The following BCL2L2 variants were observed in gnomAD, a reference collection of about 807,000 sequenced individuals.
BCL2L2 encodes bcl-2-like protein 2.
Under a neutral mutation model 14.6 loss-of-function variants are expected in BCL2L2, and 6 were observed. The observed-to-expected ratio is 0.41, with a 90% CI of 0.22 to 0.81. The LOEUF (loss-of-function observed/expected upper bound fraction) is 0.81, where lower values mean the gene tolerates loss of function less well. BCL2L2 is among the 30% of genes least tolerant of loss of function. The probability of loss-of-function intolerance (pLI) is 0.32; values close to 1 mark genes in which losing one functional copy is unlikely to be tolerated. For synonymous variants in BCL2L2, 90 were observed against 108.5 expected, an observed-to-expected ratio of 0.83 and a Z score of 1.06; for missense variants, 191 against 260.5, an observed-to-expected ratio of 0.73 and a Z score of 1.84.
In BCL2L2 at chr14:23,310,586, G is replaced by A; in HGVS notation, c.*1621G>A. 9.3e-7 allele frequency: 1 copy of A among 1,072,634 alleles called. No homozygotes were observed. Among genetic ancestry groups the A allele is most frequent in the Non-Finnish European group, 1.1e-6 (1 of 882,524 alleles). The allele number at this position is 1,072,634 out of a possible 1,614,324, so 66.4% of individuals were successfully genotyped here. A position where few individuals can be genotyped will look rare whatever the true frequency, so the allele number is the denominator to read the frequency against. ...GCTGCACTTTTTCATGGTATTTCTA[G>A]GGGAGGTGGTAGGCTGCATGTGCCA... On this transcript the variant is annotated 3_prime_UTR_variant, in exon 4 of 4. Coordinates refer to ENST00000250405, the MANE Select transcript of BCL2L2 (RefSeq NM_004050.5).
Position 23,308,992 on chromosome 14 carries a change from G to A in BCL2L2, c.*27G>A, listed in dbSNP as rs780543579. 1 of 1,320,440 alleles carries A rather than the reference G, an allele frequency of 7.6e-7. No homozygotes were observed. The allele number at this position is 1,320,440 out of a possible 1,614,324, so 81.8% of individuals were successfully genotyped here. On this transcript the variant is annotated 3_prime_UTR_variant, in exon 4 of 4. Transcript: ENST00000250405. The surrounding 1 kb of genome is among the most constrained non-coding windows in gnomAD (Gnocchi z 5.4). ...AGTCCAGGGCCAGGTGGGGCTAGGT[G>A]TGGCTGGGGGCCAGGAGAGCAGGAA...
Position 23,307,688 on chromosome 14 carries a change from TC to T in BCL2L2, c.-8-71del, listed in dbSNP as rs1016483825. The T allele has an allele frequency of 1.1e-5, 17 of 1,501,988 alleles. No homozygotes were observed. In the Admixed American group the frequency reaches 3.9e-4, roughly 35 times the overall value. The allele number at this position is 1,501,988 out of a possible 1,614,324, so 93.0% of individuals were successfully genotyped here. On this transcript the variant is annotated intron_variant, in intron 2 of 3. Coordinates refer to ENST00000250405, the MANE Select transcript of BCL2L2 (RefSeq NM_004050.5). ...TCTCCTCCTCATCTCACTGGGTTGGTCAAACCAGAAGTGCTCCTTCTGATTC... is the reference window on the plus strand; with the variant it reads ...TCTCCTCCTCATCTCACTGGGTTGGTAAACCAGAAGTGCTCCTTCTGATTC...
In BCL2L2 at chr14:23,307,944, C is replaced by T; in HGVS notation, c.177C>T (p.Arg59=). ...AGDEFETRFR[R]TFSDLAAQLH... is the part of the protein sequence containing the mutation. ...ATGAGTTCGAGACCCGCTTCCGGCG[C>T]ACCTTCTCTGATCTGGCGGCTCAGC... The change falls in exon 3 of 4, where the codon CGC becomes CGT. Residue 59 remains arginine, a synonymous_variant. Coordinates refer to ENST00000250405, the MANE Select transcript of BCL2L2 (RefSeq NM_004050.5). 1 of 1,613,994 alleles carries T rather than the reference C, an allele frequency of 6.2e-7. No individual in the cohort carries two copies. The highest frequency in any genetic ancestry group is 8.5e-7 in the Non-Finnish European group (1 of 1,179,924).
Position 23,310,416 on chromosome 14 carries a change from C to T in BCL2L2, c.*1451C>T, listed in dbSNP as rs1429284255. The stretch of plus-strand genomic sequence containing the variant: ...CTAGAACCCTGCCTGTGGTCCTGAG[C>T]ACTGATCACCTTAGCTAGACCATGG... On this transcript the variant is annotated 3_prime_UTR_variant, in exon 4 of 4. Coordinates refer to ENST00000250405, the MANE Select transcript of BCL2L2 (RefSeq NM_004050.5). 7 of 1,000,612 alleles carry T rather than the reference C, an allele frequency of 7.0e-6. No homozygotes were observed. Among genetic ancestry groups the T allele is most frequent in the African/African-American group, 3.5e-5 (2 of 57,276 alleles). 62.0% of individuals were successfully genotyped at this position (1,000,612 alleles called of 1,614,324 possible).
In BCL2L2 at chr14:23,310,905, G is replaced by GA. The variant is rs1224451859; in HGVS notation, c.*1947dup. 4 of 1,288,802 alleles carry GA rather than the reference G, an allele frequency of 3.1e-6. No individual in the cohort carries two copies. Among genetic ancestry groups the GA allele is most frequent in the African/African-American group, 1.5e-5 (1 of 65,808 alleles). The allele number at this position is 1,288,802 out of a possible 1,614,324, so 79.8% of individuals were successfully genotyped here. On this transcript the variant is annotated 3_prime_UTR_variant, in exon 4 of 4. Coordinates refer to ENST00000250405, the MANE Select transcript of BCL2L2 (RefSeq NM_004050.5). ...TATTTGCATTAAGGGGTTTGCTGCT[G>GA]AAAAAAAGTTGGAAAACCACTGACT...
At position 23,311,688 on chromosome 14, in the gene BCL2L2, T is replaced by C. The variant is rs1887625782; in HGVS notation, c.*2723T>C. 2 of 932,304 alleles carry C rather than the reference T, an allele frequency of 2.1e-6. No homozygotes were observed. The highest frequency in any genetic ancestry group is 6.2e-5 in the Admixed American group (1 of 16,222). 57.8% of individuals were successfully genotyped at this position (932,304 alleles called of 1,614,324 possible). A position where few individuals can be genotyped will look rare whatever the true frequency, so the allele number is the denominator to read the frequency against. ...AAATACCAAGTTCATTTGACTTTTA[T>C]TTTTGTGTAATATGTAATGATCGTA... On this transcript the variant is annotated 3_prime_UTR_variant, in exon 4 of 4. Coordinates refer to ENST00000250405, the MANE Select transcript of BCL2L2 (RefSeq NM_004050.5).
Position 23,309,144 on chromosome 14 carries a change from A to C in BCL2L2, c.*179A>C, listed in dbSNP as rs1053521993. On this transcript the variant is annotated 3_prime_UTR_variant, in exon 4 of 4. Transcript: ENST00000250405. The stretch of plus-strand genomic sequence containing the variant: ...CAGGTAGGCGATTGGAAGAGTGAGC[A>C]GGACACAGAGGGGAGGGGAATGTTT... 2.2e-5 allele frequency: 26 copies of C among 1,169,124 alleles called. 1 individual carries two copies. The Admixed American group carries it at 1.2e-3, about 53-fold the overall frequency. 72.4% of individuals were successfully genotyped at this position (1,169,124 alleles called of 1,614,324 possible). A position where few individuals can be genotyped will look rare whatever the true frequency, so the allele number is the denominator to read the frequency against.
chr14:23,309,106 G>A lies in BCL2L2; in HGVS notation c.*141G>A, dbSNP rs1376791688. 1.0e-5 allele frequency: 13 copies of A among 1,249,654 alleles called. No homozygotes were observed. Among genetic ancestry groups the A allele is most frequent in the Middle Eastern group, 3.1e-4 (1 of 3,262 alleles). The allele number at this position is 1,249,654 out of a possible 1,614,324, so 77.4% of individuals were successfully genotyped here. On this transcript the variant is annotated 3_prime_UTR_variant, in exon 4 of 4. Transcript: ENST00000250405. Reference sequence around the variant, plus strand: ...GGCAGAGAAAGGGTAGTGTGTGAGGGAGCTGAGTAGGCCAGGTAGGCGATT... The same window carrying A: ...GGCAGAGAAAGGGTAGTGTGTGAGGAAGCTGAGTAGGCCAGGTAGGCGATT...
rs1887389950 is a variant in BCL2L2 at position 23,308,396 on chromosome 14, A to G, written c.432+197A>G. On this transcript the variant is annotated intron_variant, in intron 3 of 3. Transcript: ENST00000250405. This position sits in a 1 kb window ranked among gnomAD's most constrained non-coding sequence, Gnocchi z 5.4. ...AGGGCTGCCATGCAGTCAACACTGG[A>G]TGGGCTCATGGTCCCAAGCAGAGGA... 6.6e-6 allele frequency among the ~76,000 whole-genome samples: 1 copy of G among 152,026 alleles called. No individual in the cohort carries two copies. Among genetic ancestry groups the G allele is most frequent in the Non-Finnish European group, 1.5e-5 (1 of 68,012 alleles).
rs546037899 is a variant in BCL2L2, at chr14:23,309,006, G to T, written c.*41G>T. 4.5e-6 allele frequency: 6 copies of T among 1,320,422 alleles called. No individual in the cohort carries two copies. In the South Asian group the frequency reaches 1.2e-4, roughly 26 times the overall value. 81.8% of individuals were successfully genotyped at this position (1,320,422 alleles called of 1,614,324 possible). Reference sequence around the variant, plus strand: ...TGGGGCTAGGTGTGGCTGGGGGCCAGGAGAGCAGGAACAGAACAGAGAAAT... The same window carrying T: ...TGGGGCTAGGTGTGGCTGGGGGCCATGAGAGCAGGAACAGAACAGAGAAAT... On this transcript the variant is annotated 3_prime_UTR_variant, in exon 4 of 4. Transcript: ENST00000250405.
chr14:23,311,186 A>T lies in BCL2L2; in HGVS notation c.*2221A>T. On this transcript the variant is annotated 3_prime_UTR_variant, in exon 4 of 4. Transcript: ENST00000250405. ...TTCCCAGAAGCATAGCTTAGATGGGACCACAGTGGGCAATTTTGACCTGTC... is the reference window on the plus strand; with the variant it reads ...TTCCCAGAAGCATAGCTTAGATGGGTCCACAGTGGGCAATTTTGACCTGTC... 7.9e-7 allele frequency: 1 copy of T among 1,267,864 alleles called. No individual in the cohort carries two copies. The highest frequency in any genetic ancestry group is 1.0e-6 in the Non-Finnish European group (1 of 983,786). The allele number at this position is 1,267,864 out of a possible 1,614,324, so 78.5% of individuals were successfully genotyped here. A position where few individuals can be genotyped will look rare whatever the true frequency, so the allele number is the denominator to read the frequency against.
At position 23,311,631 on chromosome 14, in the gene BCL2L2, C is replaced by G; in HGVS notation, c.*2666C>G. ...AAAAGAAAGCTCTATAAATATAAAT[C>G]TATATTCCTGTATTTTTATTTAATA... On this transcript the variant is annotated 3_prime_UTR_variant, in exon 4 of 4. Coordinates refer to ENST00000250405, the MANE Select transcript of BCL2L2 (RefSeq NM_004050.5). 1.1e-6 allele frequency: 1 copy of G among 935,322 alleles called. No homozygotes were observed. Among genetic ancestry groups the G allele is most frequent in the African/African-American group, 1.8e-5 (1 of 56,182 alleles). The allele number at this position is 935,322 out of a possible 1,614,324, so 57.9% of individuals were successfully genotyped here. A position where few individuals can be genotyped will look rare whatever the true frequency, so the allele number is the denominator to read the frequency against.
chr14:23,311,080 C>T lies in BCL2L2; in HGVS notation c.*2115C>T, dbSNP rs1887586444. On this transcript the variant is annotated 3_prime_UTR_variant, in exon 4 of 4. Transcript: ENST00000250405. Reference sequence around the variant, plus strand: ...AGCTGCAGGGACCATGGCCAGGTTACCAAAATGCCCTGCTCTGAAGCCTTG... The same window carrying T: ...AGCTGCAGGGACCATGGCCAGGTTATCAAAATGCCCTGCTCTGAAGCCTTG... The T allele has an allele frequency of 1.6e-6, 2 of 1,289,284 alleles. No homozygotes were observed. The highest frequency in any genetic ancestry group is 2.0e-6 in the Non-Finnish European group (2 of 988,684). The allele number at this position is 1,289,284 out of a possible 1,614,324, so 79.9% of individuals were successfully genotyped here.
Position 23,311,275 on chromosome 14 carries a change from C to G in BCL2L2, c.*2310C>G. On this transcript the variant is annotated 3_prime_UTR_variant, in exon 4 of 4. Coordinates refer to ENST00000250405, the MANE Select transcript of BCL2L2 (RefSeq NM_004050.5). ...TCTGTCAGGGAAAACTAGGGACTCT[C>G]TTCTAGAGCCATATAGTTCCTTGGG... 8.4e-7 allele frequency: 1 copy of G among 1,186,742 alleles called. No individual in the cohort carries two copies. Among genetic ancestry groups the G allele is most frequent in the South Asian group, 1.6e-5 (1 of 62,852 alleles). The allele number at this position is 1,186,742 out of a possible 1,614,324, so 73.5% of individuals were successfully genotyped here. A position where few individuals can be genotyped will look rare whatever the true frequency, so the allele number is the denominator to read the frequency against.
intron 2 of BCL2L2, among the ~76,000 whole-genome samples, 164 bp downstream of exon 2, chr14:23,307,443 A>G (rs1305593850): frequency 2.0e-5 from 3 of 152,216 alleles, no homozygotes; most frequent in African/African-American, 7.2e-5. Context: ...GTGTGGACTA[A>G]GGAGACCCGG....
Position 23,310,923 on chromosome 14 carries a change from C to T in BCL2L2, c.*1958C>T, listed in dbSNP as rs187184653. On this transcript the variant is annotated 3_prime_UTR_variant, in exon 4 of 4. Transcript: ENST00000250405. ...TGCTGCTGAAAAAAAGTTGGAAAAC[C>T]ACTGACTAGACCATCGGCTCCAAAT... The T allele has an allele frequency of 6.9e-4, 896 of 1,289,428 alleles. 1 individual carries two copies. The highest frequency in any genetic ancestry group is 8.6e-4 in the Non-Finnish European group (848 of 988,624). 79.9% of individuals were successfully genotyped at this position (1,289,428 alleles called of 1,614,324 possible).
Position 23,311,335 on chromosome 14 carries a change from C to A in BCL2L2, c.*2370C>A. 3 of 1,072,936 alleles carry A rather than the reference C, an allele frequency of 2.8e-6. No homozygotes were observed. Among genetic ancestry groups the A allele is most frequent in the South Asian group, 2.5e-5 (1 of 39,636 alleles). The allele number at this position is 1,072,936 out of a possible 1,614,324, so 66.5% of individuals were successfully genotyped here. Reference sequence around the variant, plus strand: ...TGGCCAAGAAGGCTGAGTATGGTTCCCAATTTTTAAATCCATTTCATTTTT... The same window carrying A: ...TGGCCAAGAAGGCTGAGTATGGTTCACAATTTTTAAATCCATTTCATTTTT... On this transcript the variant is annotated 3_prime_UTR_variant, in exon 4 of 4. Coordinates refer to ENST00000250405, the MANE Select transcript of BCL2L2 (RefSeq NM_004050.5).
In BCL2L2 at chr14:23,310,661, T is replaced by C; in HGVS notation, c.*1696T>C. 8.8e-7 allele frequency: 1 copy of C among 1,139,004 alleles called. No homozygotes were observed. Among genetic ancestry groups the C allele is most frequent in the Non-Finnish European group, 1.1e-6 (1 of 919,504 alleles). The allele number at this position is 1,139,004 out of a possible 1,614,324, so 70.6% of individuals were successfully genotyped here. On this transcript the variant is annotated 3_prime_UTR_variant, in exon 4 of 4. Coordinates refer to ENST00000250405, the MANE Select transcript of BCL2L2 (RefSeq NM_004050.5). Reference sequence around the variant, plus strand: ...ACACCAGAAACTCAGAGCCAGCTTGTGGCAAGCAGTTGGGGTGGGGGGTCT... The same window carrying C: ...ACACCAGAAACTCAGAGCCAGCTTGCGGCAAGCAGTTGGGGTGGGGGGTCT...
chr14:23,308,725 C>T lies in BCL2L2; in HGVS notation c.433-91C>T, dbSNP rs1887415502. 4.6e-6 allele frequency: 5 copies of T among 1,091,614 alleles called. No homozygotes were observed. In the South Asian group the frequency reaches 1.1e-4, roughly 24 times the overall value. The allele number at this position is 1,091,614 out of a possible 1,614,324, so 67.6% of individuals were successfully genotyped here. On this transcript the variant is annotated intron_variant, in intron 3 of 3. Transcript: ENST00000250405. This position sits in a 1 kb window ranked among gnomAD's most constrained non-coding sequence, Gnocchi z 5.4. The stretch of plus-strand genomic sequence containing the variant: ...GGGGTAGTGCTCGCAGTGGATGGAA[C>T]TGGAACTCTTCCTCTCCTCTTCTCT...
Sources: allele counts gnomAD v4.1 joint callset (sites outside exome capture counted in the v4.1 genomes callset), GRCh38; gene constraint gnomAD v4.1.1; non-coding constraint Gnocchi (gnomAD v3.1); transcripts MANE v1.5; gene names NCBI Gene and HGNC (gene_info 2026-07-23, HGNC 2026-07-21).